Variants in ZFPM2 observed in about 807,000 individuals in gnomAD.
The protein encoded by ZFPM2 is zinc finger protein ZFPM2.
Under a neutral mutation model 98.6 loss-of-function variants are expected in ZFPM2, and 20 were observed. That is an observed-to-expected ratio of 0.20 (90% CI 0.14 to 0.29). The LOEUF (loss-of-function observed/expected upper bound fraction) is 0.29. Ranked by LOEUF, ZFPM2 falls within the 10% of genes least tolerant of loss-of-function variation. ZFPM2 has a pLI of 1.00. For missense variants in ZFPM2, 1,310 were observed against 1,388.6 expected (o/e 0.94, Z 0.90); for synonymous variants, 518 against 502.7 (o/e 1.03, Z -0.41).
intron 5 of ZFPM2, among the ~76,000 whole-genome samples, chr8:105,691,499 C>T (rs1463674845): frequency 1.3e-5 from 2 of 151,422 alleles, no homozygotes; most frequent in African/African-American, 2.4e-5. Flanking sequence ...CCACCCGCCT[C>T]GGCCTCCCAA....
intron 3 of ZFPM2, among the ~76,000 whole-genome samples, chr8:105,501,569 T>C (rs1813596822): frequency 6.6e-6 from 1 of 151,864 alleles, no homozygotes; most frequent in Non-Finnish European, 1.5e-5. Flanking sequence ...AGTGGCACCA[T>C]CTTGGCTTGT....
chr8:105,654,533 A>G (rs754104460), intron 5 of ZFPM2, among the ~76,000 whole-genome samples: 1 of 152,076 alleles, frequency 6.6e-6, no homozygotes, highest in African/African-American at 2.4e-5. Context: ...ACACAGAGAT[A>G]GTCCTGCAGC....
intron 3 of ZFPM2, among the ~76,000 whole-genome samples, chr8:105,494,308 G>A (rs1267239444): frequency 5.4e-5 from 8 of 147,394 alleles, no homozygotes; most frequent in African/African-American, 1.3e-4. Flanking sequence ...ACACTTTTCC[G>A]TGGAAACCAT....
At chr8:105,667,680 T>C (rs2130898010) in intron 5 of ZFPM2, among the ~76,000 whole-genome samples, 1 of 152,294 alleles carries the variant, frequency 6.6e-6, no homozygotes, top group African/African-American at 2.4e-5. Flanking sequence ...GACAGCAAAC[T>C]AAATGCAGAA....
intron 1 of ZFPM2, among the ~76,000 whole-genome samples, chr8:105,380,676 T>TTATATATATATTATATATAACATATATAA (rs1563630896): frequency 7.0e-5 from 1 of 14,188 alleles, no homozygotes; most frequent in Non-Finnish European, 1.2e-4. Context: ...AACATATATA[T>TTATATATATATTATATATAACATATATAA]TATATATATA....
At chr8:105,647,531 C>G (rs1368494390) in intron 5 of ZFPM2, among the ~76,000 whole-genome samples, 1 of 149,598 alleles carries the variant, frequency 6.7e-6, no homozygotes, top group Non-Finnish European at 1.5e-5. Flanking sequence ...TCCCGCCCCC[C>G]CCCACCCCAC....
At chr8:105,467,137 T>G (rs1812810388) in intron 3 of ZFPM2, among the ~76,000 whole-genome samples, 1 of 152,076 alleles carries the variant, frequency 6.6e-6, no homozygotes, top group Non-Finnish European at 1.5e-5. Flanking sequence ...CCCTCACCTC[T>G]TAACATTGAA....
intron 3 of ZFPM2, among the ~76,000 whole-genome samples, chr8:105,482,543 A>C (rs551580990): frequency 5.3e-4 from 80 of 152,156 alleles, no homozygotes; most frequent in African/African-American, 1.8e-3. Flanking sequence ...ACTTTTAAAA[A>C]ATGTCTTTTT....
chr8:105,667,224 A>G (rs966011574), intron 5 of ZFPM2, among the ~76,000 whole-genome samples: 5 of 152,198 alleles, frequency 3.3e-5, no homozygotes, highest in Non-Finnish European at 7.4e-5. Context: ...TTTGAAATTC[A>G]CGGTGTCTGC....
At chr8:105,578,680 C>T (rs1173979581) in intron 4 of ZFPM2, among the ~76,000 whole-genome samples, 1 of 152,042 alleles carries the variant, frequency 6.6e-6, no homozygotes, top group Non-Finnish European at 1.5e-5. Context: ...AATATTAATA[C>T]TATCTTGGTA....
chr8:105,693,254 G>A (rs1481296830), intron 5 of ZFPM2, among the ~76,000 whole-genome samples: 1 of 152,212 alleles, frequency 6.6e-6, no homozygotes, highest in Non-Finnish European at 1.5e-5. Flanking sequence ...TAACAGCAAA[G>A]CCCCATGAAT....
At chr8:105,786,804 T>C (rs938062144) in intron 5 of ZFPM2, among the ~76,000 whole-genome samples, 1 of 152,228 alleles carries the variant, frequency 6.6e-6, no homozygotes, top group Non-Finnish European at 1.5e-5. Flanking sequence ...TGATAAAGAT[T>C]ATTTTTGGCT....
intron 3 of ZFPM2, among the ~76,000 whole-genome samples, chr8:105,555,901 A>G (rs367774511): frequency 6.6e-6 from 1 of 152,128 alleles, no homozygotes; most frequent in East Asian, 1.9e-4. Context: ...GCTAAACTGG[A>G]GATGAGGAGG....
chr8:105,521,536 A>G (rs1408766797), intron 3 of ZFPM2, among the ~76,000 whole-genome samples: 5 of 152,160 alleles, frequency 3.3e-5, no homozygotes, highest in Non-Finnish European at 7.4e-5. Context: ...GGAACTCAAA[A>G]GTTTAAGGGC....
chr8:105,369,883 AATACAC>A (rs1213752223), intron 1 of ZFPM2, among the ~76,000 whole-genome samples: 3 of 152,192 alleles, frequency 2.0e-5, no homozygotes. Context: ...GAAGAGCATG[AATACAC>A]ATACAAATAA....
At chr8:105,358,812 G>T (rs558489261) in intron 1 of ZFPM2, among the ~76,000 whole-genome samples, 18 of 152,036 alleles carry the variant, frequency 1.2e-4, no homozygotes, top group Non-Finnish European at 2.2e-4. Context: ...AAAATTAGCT[G>T]GGTGTGGTGG....
At position 105,572,039 on chromosome 8, in the gene ZFPM2, T is replaced by C. The variant is rs112494632; in HGVS notation, c.420+10558T>C. 2.1e-3 allele frequency among the ~76,000 whole-genome samples: 267 copies of C among 125,340 alleles called. 3 individuals are homozygous for C. The highest frequency in any genetic ancestry group is 8.4e-3 in the African/African-American group (260 of 30,778). The allele number at this position is 125,340 out of a possible 152,430, so 82.2% of individuals were successfully genotyped here. A position where few individuals can be genotyped will look rare whatever the true frequency, so the allele number is the denominator to read the frequency against. On this transcript the variant is annotated intron_variant, in intron 4 of 7. Transcript: ENST00000407775. ...AGTATTCTTGGGTAAATTTCTTTTT[T>C]TTTTTTTTTTTTTTTTGAGACGGAG...
chr8:105,783,311 C>T lies in ZFPM2; in HGVS notation c.533-5407C>T, dbSNP rs1319687429. ...TATTCTTAGTTATGGCTAAAAATTT[C>T]ATGCCAATGTTCTAGGTTCACAGAG... On this transcript the variant is annotated intron_variant, in intron 5 of 7. Coordinates refer to ENST00000407775, the MANE Select transcript of ZFPM2 (RefSeq NM_012082.4). Among the ~76,000 whole-genome samples, 3 of 129,882 alleles carry T rather than the reference C, an allele frequency of 2.3e-5. No individual in the cohort carries two copies. In the Admixed American group the frequency reaches 2.8e-4, roughly 12 times the overall value. The allele number at this position is 129,882 out of a possible 152,430, so 85.2% of individuals were successfully genotyped here.
intron 3 of ZFPM2, among the ~76,000 whole-genome samples, chr8:105,544,059 A>G (rs1338887091): frequency 1.3e-5 from 2 of 152,150 alleles, no homozygotes; most frequent in Non-Finnish European, 2.9e-5. Context: ...CAGTTTGTTG[A>G]TACTATACAC....
Sources: gnomAD v4.1 joint callset for allele counts (sites outside exome capture counted in the v4.1 genomes callset) on GRCh38, gnomAD v4.1.1 for gene constraint, MANE v1.5 for transcripts, NCBI Gene and HGNC (gene_info 2026-07-23, HGNC 2026-07-21) for gene names.